The following WDR27 variants were observed in gnomAD, a reference collection of about 807,000 sequenced individuals.
WDR27 encodes the protein WD repeat domain 27, also known as WD repeat-containing protein 27.
A neutral mutation model predicts 114.4 loss-of-function variants in WDR27; 100 were observed. That is an observed-to-expected ratio of 0.87 (90% CI 0.74 to 1.03). The LOEUF (loss-of-function observed/expected upper bound fraction) is 1.03, where lower values mean the gene tolerates loss of function less well. WDR27 is among the 50% of genes least tolerant of loss of function. The pLI is 0.00. For synonymous variants in WDR27, 449 were observed against 423.1 expected (o/e 1.06, Z -0.75); for missense variants, 1,129 against 1,092.9 (o/e 1.03, Z -0.47).
chr6:169,543,265 G>A (rs1797049673), intron 25 of WDR27, among the ~76,000 whole-genome samples: 1 of 152,010 alleles, frequency 6.6e-6, no homozygotes, highest in South Asian at 2.1e-4. Context: ...CAATAAATCT[G>A]AACACTCAGC....
At chr6:169,521,271 A>G (rs1372243293) in intron 25 of WDR27, among the ~76,000 whole-genome samples, 1 of 152,148 alleles carries the variant, frequency 6.6e-6, no homozygotes, top group Non-Finnish European at 1.5e-5. Context: ...AATAACTTAT[A>G]TCCAAGAATA....
At chr6:169,595,918 G>A (rs1806703851) in intron 23 of WDR27, among the ~76,000 whole-genome samples, 1 of 150,038 alleles carries the variant, frequency 6.7e-6, no homozygotes, top group Non-Finnish European at 1.5e-5. Context: ...TTCTCTTTTT[G>A]AGTAAGTAAA....
chr6:169,485,318 T>C (rs781289474), intron 25 of WDR27, among the ~76,000 whole-genome samples: 17 of 152,100 alleles, frequency 1.1e-4, no homozygotes, highest in Middle Eastern at 3.4e-3. Context: ...GAAACAACTT[T>C]ACAGAAAAAA....
chr6:169,598,636 CAG>C (rs1807303542), intron 23 of WDR27, among the ~76,000 whole-genome samples: 2 of 152,302 alleles, frequency 1.3e-5, no homozygotes, highest in African/African-American at 4.8e-5. Context: ...GAGAGATGTG[CAG>C]AGGAGGAAAG....
intron 16 of WDR27, among the ~76,000 whole-genome samples, chr6:169,645,373 G>A (rs9478083): frequency 0.13 from 19,560 of 150,302 alleles, 1,314 homozygotes; most frequent in African/African-American, 0.17. Flanking sequence ...CTGTAGAAAA[G>A]CCTAGTTCGC....
intron 17 of WDR27, among the ~76,000 whole-genome samples, chr6:169,643,469 G>GCCT (rs541573578): frequency 7.2e-5 from 11 of 152,176 alleles, no homozygotes; most frequent in Non-Finnish European, 1.6e-4. Context: ...ATGGCTCTTG[G>GCCT]CCTCCAGGGC....
intron 16 of WDR27, among the ~76,000 whole-genome samples, chr6:169,645,020 A>T (rs1364973757): frequency 1.6e-4 from 17 of 104,586 alleles, no homozygotes; most frequent in Non-Finnish European, 1.7e-4. Context: ...AAAAAAAAAA[A>T]AATAAAAAAA....
intron 2 of WDR27, among the ~76,000 whole-genome samples, chr6:169,687,557 TAAAC>T (rs1783328908): frequency 6.6e-6 from 1 of 152,062 alleles, no homozygotes; most frequent in Non-Finnish European, 1.5e-5. Flanking sequence ...AAAATAAAAA[TAAAC>T]AAGTGTAGGT....
At chr6:169,559,646 C>T (rs1799403707) in intron 25 of WDR27, 1 of 152,170 alleles carries the variant, frequency 6.6e-6, no homozygotes, top group African/African-American at 2.4e-5. Flanking sequence ...TCCCGAGTGT[C>T]CATAGTAAGA....
intron 17 of WDR27, among the ~76,000 whole-genome samples, chr6:169,643,496 C>A (rs998793557): frequency 3.9e-5 from 6 of 152,224 alleles, no homozygotes; most frequent in African/African-American, 4.8e-5. Flanking sequence ...CACGAAAGTG[C>A]TGCCACGCTG....
chr6:169,672,439 A>C, intron 2 of WDR27, 43 bp from the exon 3 acceptor site: 1 of 1,519,482 alleles, frequency 6.6e-7, no homozygotes, highest in Non-Finnish European at 8.8e-7. Flanking sequence ...ACAGACATTT[A>C]AAAATAAGAG....
At chr6:169,609,045 A>C (rs769159932) in intron 22 of WDR27, among the ~76,000 whole-genome samples, 6 of 152,212 alleles carry the variant, frequency 3.9e-5, no homozygotes, top group Non-Finnish European at 8.8e-5. Flanking sequence ...CTTTGACATC[A>C]AGTCTCACAT....
chr6:169,504,736 C>T (rs1791788339), intron 25 of WDR27, among the ~76,000 whole-genome samples: 1 of 152,042 alleles, frequency 6.6e-6, no homozygotes, highest in South Asian at 2.1e-4. Context: ...TGGGAAAAAG[C>T]CTCCTGAGTA....
chr6:169,608,701 A>G (rs1212033285), intron 22 of WDR27, among the ~76,000 whole-genome samples: 2 of 152,108 alleles, frequency 1.3e-5, no homozygotes, highest in Non-Finnish European at 1.5e-5. Context: ...GAGCCAAACC[A>G]TATCATTCCA....
At chr6:169,636,774 A>T (rs28606592) in intron 18 of WDR27, among the ~76,000 whole-genome samples, 1 of 152,246 alleles carries the variant, frequency 6.6e-6, no homozygotes, top group African/African-American at 2.4e-5. Context: ...AAACATACTA[A>T]GTACCAAAGA....
intron 21 of WDR27, among the ~76,000 whole-genome samples, chr6:169,613,860 G>T (rs1811192379): frequency 1.3e-5 from 2 of 152,096 alleles, no homozygotes. Context: ...GAGAAGTATT[G>T]ATGTATGTTC....
chr6:169,541,648 G>A (rs1484498945), intron 25 of WDR27, among the ~76,000 whole-genome samples: 1 of 152,170 alleles, frequency 6.6e-6, no homozygotes, highest in East Asian at 1.9e-4. Flanking sequence ...ACTGACAGAT[G>A]ACTAGAAAAT....
chr6:169,658,162 GA>G (rs2128257125), intron 13 of WDR27, 113 bp downstream of exon 13: 1 of 808,824 alleles, frequency 1.2e-6, no homozygotes. Context: ...AGGATGGAAG[GA>G]AGTACGGAAT....
chr6:169,455,238 G>A (rs1299415479), downstream of WDR27, among the ~76,000 whole-genome samples: 1 of 152,194 alleles, frequency 6.6e-6, no homozygotes, highest in Non-Finnish European at 1.5e-5. Flanking sequence ...GATTTTCCAA[G>A]ACAGAATGTC....
Sources: allele counts gnomAD v4.1 joint callset (sites outside exome capture counted in the v4.1 genomes callset), GRCh38; gene constraint gnomAD v4.1.1; transcripts MANE v1.5; gene names NCBI Gene and HGNC (gene_info 2026-07-23, HGNC 2026-07-21).